Variants in ILDR1 observed in about 807,000 individuals in gnomAD.
ILDR1 encodes the protein immunoglobulin like domain containing receptor 1.
ILDR1 carries 56 observed loss-of-function variants against 62.4 expected under a neutral mutation model. The ratio of observed to expected loss-of-function variants is 0.90; its 90% confidence interval spans 0.72 to 1.12. The LOEUF is 1.12. ILDR1 is among the 50% of genes most tolerant of loss of function. The pLI is 0.00. For missense variants in ILDR1, 736 were observed against 710.6 expected (o/e 1.04, Z -0.41); for synonymous variants, 284 against 277.8 (o/e 1.02, Z -0.22).
At chr3:122,035,300 G>C in the ILDR1 span, among the ~76,000 whole-genome samples, 3 of 152,194 alleles carry the variant, frequency 2.0e-5, no homozygotes, top group Non-Finnish European at 4.4e-5. Context: ...TCTAGGCTTA[G>C]TACTAGAGCT....
chr3:122,005,658 G>A (rs901105259), intron 2 of ILDR1, among the ~76,000 whole-genome samples: 3 of 151,846 alleles, frequency 2.0e-5, no homozygotes, highest in East Asian at 1.9e-4. Flanking sequence ...TTTTCATGCC[G>A]GCTCTACTCC....
At chr3:122,040,768 G>GGGTC in the ILDR1 span, among the ~76,000 whole-genome samples, 1 of 148,756 alleles carries the variant, frequency 6.7e-6, no homozygotes, top group East Asian at 1.9e-4. Context: ...AGCTCAAAAT[G>GGGTC]GGTCATAGGC....
chr3:122,016,490 T>C (rs1044241860), intron 1 of ILDR1, among the ~76,000 whole-genome samples: 1 of 152,332 alleles, frequency 6.6e-6, no homozygotes, highest in Non-Finnish European at 1.5e-5. Context: ...AAATTTTAAG[T>C]GCCCTAAAAG....
At chr3:122,010,959 C>T (rs1576731667) in intron 1 of ILDR1, among the ~76,000 whole-genome samples, 1 of 152,268 alleles carries the variant, frequency 6.6e-6, no homozygotes, top group Middle Eastern at 3.4e-3. Context: ...TGTGGTCATT[C>T]GTTTTTTCTA....
intron 6 of ILDR1, 39 bp from the exon 7 acceptor site, chr3:121,994,009 C>T (rs1268910247): frequency 2.0e-5 from 31 of 1,579,652 alleles, no homozygotes; most frequent in Non-Finnish European, 2.0e-5. Context: ...AACAAATGGC[C>T]CAAAACATAC....
chr3:122,000,584 T>C (rs2071507149), intron 5 of ILDR1, among the ~76,000 whole-genome samples: 1 of 152,270 alleles, frequency 6.6e-6, no homozygotes, highest in Admixed American at 6.5e-5. Context: ...AAGTAAACTG[T>C]TTCCTTAAAT....
chr3:122,011,247 G>A (rs1285703300), intron 1 of ILDR1, among the ~76,000 whole-genome samples: 2 of 152,134 alleles, frequency 1.3e-5, no homozygotes, highest in Non-Finnish European at 2.9e-5. Flanking sequence ...AGCGCATTTG[G>A]GAGCAGGGAG....
intron 3 of ILDR1, among the ~76,000 whole-genome samples, chr3:122,002,643 G>C (rs1190525137): frequency 6.6e-6 from 1 of 151,774 alleles, no homozygotes; most frequent in Non-Finnish European, 1.5e-5. Context: ...TTAAGGTCAG[G>C]GGTATATGTG....
the ILDR1 span, among the ~76,000 whole-genome samples, chr3:122,029,644 A>G: frequency 6.6e-6 from 1 of 151,730 alleles, no homozygotes; most frequent in African/African-American, 2.4e-5. Context: ...TTATTTTTTT[A>G]CAAACATATG....
At chr3:122,008,994 C>T (rs1002653409) in intron 1 of ILDR1, among the ~76,000 whole-genome samples, 26 of 151,408 alleles carry the variant, frequency 1.7e-4, no homozygotes, top group African/African-American at 5.3e-4. Context: ...AGTGCAGTGG[C>T]GCAATCATGG....
chr3:122,016,740 A>C (rs760627449), intron 1 of ILDR1, among the ~76,000 whole-genome samples: 3 of 152,230 alleles, frequency 2.0e-5, no homozygotes, highest in Non-Finnish European at 4.4e-5. Flanking sequence ...ATTAAAATGA[A>C]AGTGGGAATG....
the ILDR1 span, among the ~76,000 whole-genome samples, chr3:122,060,094 G>A: frequency 6.6e-6 from 1 of 152,198 alleles, no homozygotes; most frequent in African/African-American, 2.4e-5. Context: ...CTTGGTGAGA[G>A]TGCATACAGC....
chr3:122,010,715 A>G (rs1576731501), intron 1 of ILDR1, among the ~76,000 whole-genome samples: 1 of 152,252 alleles, frequency 6.6e-6, no homozygotes, highest in South Asian at 2.1e-4. Flanking sequence ...AGCCACAGAT[A>G]AGATTTTCAC....
At chr3:122,050,469 C>T in the ILDR1 span, among the ~76,000 whole-genome samples, 193 of 151,984 alleles carry the variant, frequency 1.3e-3, no homozygotes, top group Middle Eastern at 0.01. Flanking sequence ...TTACATAAAA[C>T]AGCTTATAGA....
chr3:122,022,098 T>C lies in ILDR1; in HGVS notation c.-21A>G. 6.3e-7 allele frequency: 1 copy of C among 1,592,550 alleles called. No homozygotes were observed. The highest frequency in any genetic ancestry group is 8.6e-7 in the Non-Finnish European group (1 of 1,168,478). The stretch of plus-strand genomic sequence containing the variant: ...GCCATGCCGCCCCCTTTCTGGCCCT[T>C]TTCAGCTCAGGGGCTTCGGGGCACT... On this transcript the variant is annotated 5_prime_UTR_variant, in exon 1 of 8. Coordinates refer to ENST00000344209, the MANE Select transcript of ILDR1 (RefSeq NM_001199799.2).
At chr3:122,016,217 T>A (rs1207483558) in intron 1 of ILDR1, among the ~76,000 whole-genome samples, 1 of 152,248 alleles carries the variant, frequency 6.6e-6, no homozygotes, top group Non-Finnish European at 1.5e-5. Flanking sequence ...TACTCATGCA[T>A]CATCCCTTCA....
intron 1 of ILDR1, among the ~76,000 whole-genome samples, chr3:122,013,253 TACTC>T (rs886446542): frequency 1.3e-5 from 2 of 152,228 alleles, no homozygotes; most frequent in East Asian, 1.9e-4. Context: ...TTGTAGAAGA[TACTC>T]ACACAGTATA....
At chr3:122,029,471 C>A in the ILDR1 span, among the ~76,000 whole-genome samples, 54 of 149,730 alleles carry the variant, frequency 3.6e-4, no homozygotes, top group Admixed American at 6.6e-4. Flanking sequence ...CCAGCCACTG[C>A]ACTCCAGCCT....
intron 1 of ILDR1, among the ~76,000 whole-genome samples, chr3:122,011,194 G>A (rs919985271): frequency 5.9e-5 from 9 of 152,140 alleles, no homozygotes; most frequent in African/African-American, 1.4e-4. Context: ...GATATAAATA[G>A]CAGTTTAATC....
Sources: allele counts gnomAD v4.1 joint callset (sites outside exome capture counted in the v4.1 genomes callset), GRCh38; gene constraint gnomAD v4.1.1; transcripts MANE v1.5; gene names NCBI Gene and HGNC (gene_info 2026-07-23, HGNC 2026-07-21).